Variants in DLG2 observed in about 807,000 individuals in gnomAD.
The protein encoded by DLG2 is discs large MAGUK scaffold protein 2, also known as disks large homolog 2.
A neutral mutation model predicts 132.5 loss-of-function variants in DLG2; 45 were observed. The observed-to-expected ratio is 0.34, with a 90% confidence interval of 0.27 to 0.44. The LOEUF is 0.44. DLG2 is among the 20% of genes least tolerant of loss of function. The pLI is 1.00. For missense variants in DLG2, 1,045 were observed against 1,196.9 expected (o/e 0.87, Z 1.87); for synonymous variants, 424 against 419.6 (o/e 1.01, Z -0.13).
intron 4 of DLG2, among the ~76,000 whole-genome samples, chr11:85,184,709 T>C (rs2079972260): frequency 6.6e-6 from 1 of 151,918 alleles, no homozygotes; most frequent in South Asian, 2.1e-4. Context: ...AAAATTTTAA[T>C]ATAAACTTGA....
At chr11:84,135,051 TTATC>T (rs2094553491) in intron 9 of DLG2, among the ~76,000 whole-genome samples, 1 of 152,158 alleles carries the variant, frequency 6.6e-6, no homozygotes, top group Non-Finnish European at 1.5e-5. Flanking sequence ...AATATATTAC[TTATC>T]TATTAGGTTA....
intron 6 of DLG2, among the ~76,000 whole-genome samples, chr11:84,675,154 T>A (rs937063489): frequency 1.1e-4 from 16 of 152,128 alleles, no homozygotes; most frequent in African/African-American, 3.9e-4. Flanking sequence ...GCCCCCTCTA[T>A]CCAGAGTGTT....
chr11:83,887,533 C>G (rs953423007), intron 15 of DLG2, among the ~76,000 whole-genome samples: 20 of 151,998 alleles, frequency 1.3e-4, no homozygotes, highest in Non-Finnish European at 2.2e-4. Context: ...AGGAGGAACT[C>G]GTACCATTCC....
rs539867579 is a variant in DLG2, at chr11:83,681,196, C to T, written c.1826-47871G>A. ...TGCAAAAAAAAGTACGTCAAGCTGT[C>T]GGTTTCCATGAGATTTGGACAGAGG... On this transcript the variant is annotated intron_variant, in intron 18 of 27. Transcript: ENST00000376104. Among the ~76,000 whole-genome samples, 17 of 152,226 alleles carry T rather than the reference C, an allele frequency of 1.1e-4. No individual in the cohort carries two copies. In the East Asian group the frequency reaches 1.4e-3, roughly 12 times the overall value.
At chr11:84,995,940 T>G (rs574973695) in intron 6 of DLG2, among the ~76,000 whole-genome samples, 1 of 152,062 alleles carries the variant, frequency 6.6e-6, no homozygotes, top group Admixed American at 6.6e-5. Context: ...AGGAAGAAAA[T>G]AAGTTTATTT....
At chr11:83,669,421 A>G (rs2076448971) in intron 18 of DLG2, among the ~76,000 whole-genome samples, 1 of 152,196 alleles carries the variant, frequency 6.6e-6, no homozygotes, top group South Asian at 2.1e-4. Flanking sequence ...ATATAGATGT[A>G]TGTATTTCTG....
intron 7 of DLG2, among the ~76,000 whole-genome samples, chr11:84,490,705 G>C (rs894526974): frequency 2.7e-5 from 4 of 150,478 alleles, no homozygotes; most frequent in African/African-American, 9.8e-5. Context: ...ATGTGTTTTG[G>C]TAAAAGCAAT....
chr11:83,676,757 A>G (rs950324860), intron 18 of DLG2, among the ~76,000 whole-genome samples: 1 of 152,174 alleles, frequency 6.6e-6, no homozygotes, highest in Non-Finnish European at 1.5e-5. Flanking sequence ...ACTACTTACA[A>G]TGGAAAGCAG....
At chr11:84,357,655 A>G (rs1206126492) in intron 7 of DLG2, among the ~76,000 whole-genome samples, 8 of 152,076 alleles carry the variant, frequency 5.3e-5, no homozygotes, top group African/African-American at 1.9e-4. Context: ...ATATGGTAAT[A>G]ACATGAGTAA....
chr11:85,488,822 C>T (rs1156573327), intron 3 of DLG2, among the ~76,000 whole-genome samples: 2 of 152,092 alleles, frequency 1.3e-5, no homozygotes, highest in Non-Finnish European at 2.9e-5. Context: ...CAGAATTCAT[C>T]ACCACTATAC....
intron 7 of DLG2, among the ~76,000 whole-genome samples, chr11:84,321,269 A>G (rs1181227383): frequency 6.6e-6 from 1 of 151,140 alleles, no homozygotes; most frequent in African/African-American, 2.4e-5. Context: ...TCTGTGTAGA[A>G]CTGGTGAAAC....
chr11:84,242,274 T>G (rs972358513), intron 8 of DLG2, among the ~76,000 whole-genome samples: 4 of 152,086 alleles, frequency 2.6e-5, no homozygotes, highest in African/African-American at 9.7e-5. Context: ...CAAACTGCCC[T>G]CTGCAAGGGT....
chr11:83,656,172 T>TGACACTCA (rs2072360865), intron 18 of DLG2, among the ~76,000 whole-genome samples: 1 of 152,174 alleles, frequency 6.6e-6, no homozygotes. Flanking sequence ...GTCAGCAGGG[T>TGACACTCA]GACACTCATT....
intron 3 of DLG2, among the ~76,000 whole-genome samples, chr11:85,386,995 C>G (rs1352070912): frequency 6.7e-6 from 1 of 150,000 alleles, no homozygotes; most frequent in Non-Finnish European, 1.5e-5. Flanking sequence ...TCAAGTGATT[C>G]TTCTGCCTCA....
intron 3 of DLG2, among the ~76,000 whole-genome samples, chr11:85,595,188 G>A (rs142811859): frequency 0.012 from 1,869 of 150,508 alleles, 19 homozygotes; most frequent in Middle Eastern, 0.032. Context: ...CTAAATAAAA[G>A]AGATTTACAT....
intron 19 of DLG2, among the ~76,000 whole-genome samples, chr11:83,608,724 GCACA>G (rs751248821): frequency 1.4e-5 from 2 of 146,240 alleles, no homozygotes. Flanking sequence ...ACACACACAC[GCACA>G]CACACAGAGA....
chr11:83,985,899 T>C (rs1054613673), intron 11 of DLG2, among the ~76,000 whole-genome samples: 1 of 152,118 alleles, frequency 6.6e-6, no homozygotes, highest in Non-Finnish European at 1.5e-5. Context: ...GGTTGAATTT[T>C]TTTCCTCTAG....
chr11:84,753,697 A>G (rs2066482651), intron 6 of DLG2, among the ~76,000 whole-genome samples: 1 of 152,190 alleles, frequency 6.6e-6, no homozygotes, highest in Non-Finnish European at 1.5e-5. Context: ...AGAACGTGTA[A>G]CTTATTTAAA....
intron 6 of DLG2, among the ~76,000 whole-genome samples, chr11:85,035,460 C>T (rs891615711): frequency 5.9e-5 from 9 of 152,030 alleles, no homozygotes; most frequent in African/African-American, 1.9e-4. Flanking sequence ...AAGCAAGGCA[C>T]GTCTTACATG....
Sources: allele counts gnomAD v4.1 joint callset (sites outside exome capture counted in the v4.1 genomes callset), GRCh38; gene constraint gnomAD v4.1.1; transcripts MANE v1.5; gene names NCBI Gene and HGNC (gene_info 2026-07-23, HGNC 2026-07-21).